TRIM28: variants seen among roughly 807,000 people sequenced by gnomAD.
TRIM28 encodes the protein tripartite motif containing 28.
Under a neutral mutation model 87.4 loss-of-function variants are expected in TRIM28, and 8 were observed. The observed-to-expected ratio is 0.09, with a 90% CI of 0.05 to 0.17. TRIM28 has a LOEUF of 0.17. TRIM28 is among the 10% of genes least tolerant of loss of function. TRIM28 has a pLI of 1.00. For missense variants in TRIM28, 968 were observed against 1,131.8 expected, an observed-to-expected ratio of 0.86 and a Z score of 2.08; for synonymous variants, 601 against 454.3, an observed-to-expected ratio of 1.32 and a Z score of -4.11.
Position 58,550,176 on chromosome 19 carries a change from C to G in TRIM28, c.2223C>G (p.Thr741=). The change falls in exon 16 of 17, where the codon ACC becomes ACG. Residue 741 remains threonine, a synonymous_variant. Coordinates refer to ENST00000253024, the MANE Select transcript of TRIM28 (RefSeq NM_005762.3). ...AGCCCGGTGGCACCCTGGATCTGAC[C>G]CTGATCCGTGCCCGCCTCCAGGAGA... ...LDQPGGTLDL[T]LIRARLQEKL... is the part of the protein sequence containing the mutation. 6.2e-7 allele frequency: 1 copy of G among 1,613,976 alleles called. No homozygotes were observed. The highest frequency in any genetic ancestry group is 8.5e-7 in the Non-Finnish European group (1 of 1,179,980).
intron 3 of TRIM28, chr19:58,547,131 C>T (rs1045959293): frequency 4.0e-6 from 2 of 505,522 alleles, no homozygotes; most frequent in Admixed American, 7.1e-5. Flanking sequence ...CTTACCCTTA[C>T]ATTGTTGTTA....
At position 58,550,171 on chromosome 19, in the gene TRIM28, C is replaced by T. The variant is rs749313296; in HGVS notation, c.2218C>T (p.Leu740=). ...GGACCAGCCCGGTGGCACCCTGGAT[C>T]TGACCCTGATCCGTGCCCGCCTCCA... ...SLDQPGGTLD[L]TLIRARLQEK... is the part of the protein sequence containing the mutation. Residue 740 remains leucine, a synonymous_variant, in exon 16 of 17, where the codon CTG becomes TTG. Coordinates refer to ENST00000253024, the MANE Select transcript of TRIM28 (RefSeq NM_005762.3). The T allele has an allele frequency of 1.2e-6, 2 of 1,614,010 alleles. No individual in the cohort carries two copies. The highest frequency in any genetic ancestry group is 2.2e-5 in the South Asian group (2 of 91,082).
At position 58,549,522 on chromosome 19, in the gene TRIM28, G is replaced by A. The variant is rs139425078; in HGVS notation, c.1854G>A (p.Pro618=). 2.7e-4 allele frequency: 441 copies of A among 1,613,974 alleles called. 1 individual carries two copies. The highest frequency in any genetic ancestry group is 4.6e-4 in the South Asian group (42 of 91,088). ...GTACCTCAGCCCCAGGTGGTGGCCC[G>A]GGAACCCTGGATGACAGTGCCACCA... ...PEGTSAPGGG[P]GTLDDSATIC... The change falls in exon 13 of 17, where the codon CCG becomes CCA. Residue 618 remains proline, a synonymous_variant. Transcript: ENST00000253024. This position sits in a 1 kb window ranked among gnomAD's most constrained non-coding sequence, Gnocchi z 4.4.
At position 58,549,481 on chromosome 19, in the gene TRIM28, G is replaced by A. The variant is rs776245218; in HGVS notation, c.1813G>A (p.Val605Met). 2.5e-6 allele frequency: 4 copies of A among 1,613,566 alleles called. No homozygotes were observed. The African/African-American group carries it at 4.0e-5, about 16-fold the overall frequency. The change falls in exon 13 of 17, where the codon GTG becomes ATG. Residue 605 changes from valine (V) to methionine (M), a missense_variant. Coordinates refer to ENST00000253024, the MANE Select transcript of TRIM28 (RefSeq NM_005762.3). The surrounding 1 kb of genome is among the most constrained non-coding windows in gnomAD (Gnocchi z 4.4). ...PSGSTSSGLEVVAPEGTSAPG... is the reference protein window; with the variant it reads ...PSGSTSSGLEMVAPEGTSAPG... ...TGGCAGCACCAGCTCAGGGCTGGAG[G>A]TGGTGGCTCCTGAGGGTACCTCAGC...
rs1362844161 is a variant in TRIM28, at chr19:58,549,365, C to T, written c.1697C>T (p.Pro566Leu). Residue 566 changes from proline to leucine, a missense_variant, in exon 13 of 17, where the codon CCT becomes CTT. Around this residue, in one of 11 missense-constraint regions of TRIM28, gnomAD observed 164 missense variants for 146.2 expected, o/e 1.12. Transcript: ENST00000253024. This position sits in a 1 kb window ranked among gnomAD's most constrained non-coding sequence, Gnocchi z 4.4. Reference sequence around the variant, plus strand: ...ACGGAGGCTGCCATTGGAGCCCCTCCTACTGCCACTGAGGGCCCTGAGACC... The same window carrying T: ...ACGGAGGCTGCCATTGGAGCCCCTCTTACTGCCACTGAGGGCCCTGAGACC... ...EETEAAIGAP[P>L]TATEGPETKP... is the part of the protein sequence containing the mutation. 1.3e-6 allele frequency: 2 copies of T among 1,570,656 alleles called. No homozygotes were observed. Among genetic ancestry groups the T allele is most frequent in the East Asian group, 2.3e-5 (1 of 44,376 alleles).
chr19:58,550,374 C>T lies in TRIM28; in HGVS notation c.2332-3C>T, dbSNP rs764617972. 9 of 1,613,480 alleles carry T rather than the reference C, an allele frequency of 5.6e-6. No individual in the cohort carries two copies. In the African/African-American group the frequency reaches 9.3e-5, roughly 17 times the overall value. On this transcript the variant is annotated splice_region_variant and splice_polypyrimidine_tract_variant and intron_variant, in intron 16 of 16. Transcript: ENST00000253024. ...TCATCCACTGCATTCCTGCTTGGCCCAGGACAAGGCAGACGTGCAGTCCAT... is the reference window on the plus strand; with the variant it reads ...TCATCCACTGCATTCCTGCTTGGCCTAGGACAAGGCAGACGTGCAGTCCAT...
chr19:58,546,461 C>T (rs1200636918), intron 3 of TRIM28, among the ~76,000 whole-genome samples: 2 of 152,156 alleles, frequency 1.3e-5, no homozygotes, highest in African/African-American at 4.8e-5. Context: ...GTTTTGGGGC[C>T]AGAATCCTCC....
At chr19:58,547,247 C>T (rs1383844020) in intron 3 of TRIM28, 129 bp from the exon 4 acceptor site, 16 of 1,235,258 alleles carry the variant, frequency 1.3e-5, no homozygotes, top group Admixed American at 2.3e-5. Context: ...CCTGGCCACA[C>T]CCTCTACATC....
At position 58,545,838 on chromosome 19, in the gene TRIM28, C is replaced by T. The variant is rs923491283; in HGVS notation, c.528C>T (p.Thr176=). 6.2e-6 allele frequency: 10 copies of T among 1,612,030 alleles called. No individual in the cohort carries two copies. Among genetic ancestry groups the T allele is most frequent in the Non-Finnish European group, 8.5e-6 (10 of 1,179,134 alleles). The change falls in exon 3 of 17, where the codon ACC becomes ACT. Residue 176 remains threonine, a synonymous_variant. Coordinates refer to ENST00000253024, the MANE Select transcript of TRIM28 (RefSeq NM_005762.3). The part of the protein sequence containing the change: ...CVECSEPLCE[T]CVEAHQRVKY... ...AGTGCTCGGAGCCTCTGTGTGAGACCTGTGTAGAGGCGCACCAGCGGGTGA... is the reference window on the plus strand; with the variant it reads ...AGTGCTCGGAGCCTCTGTGTGAGACTTGTGTAGAGGCGCACCAGCGGGTGA...
intron 1 of TRIM28, 120 bp from the exon 2 acceptor site, chr19:58,545,305 G>T: frequency 2.1e-6 from 2 of 949,130 alleles, no homozygotes; most frequent in African/African-American, 3.3e-5. Flanking sequence ...GAAGGCTCGG[G>T]GAGGGGAGGG....
chr19:58,546,926 C>T (rs904626407), intron 3 of TRIM28, among the ~76,000 whole-genome samples: 4 of 151,862 alleles, frequency 2.6e-5, no homozygotes, highest in African/African-American at 7.3e-5. Context: ...TGTAAGAGAC[C>T]CTGGTGTTCT....
At position 58,549,509 on chromosome 19, in the gene TRIM28, C is replaced by T; in HGVS notation, c.1841C>T (p.Pro614Leu). The change falls in exon 13 of 17, where the codon CCA (proline) becomes CTA (leucine). Residue 614 changes from proline to leucine, a missense_variant. Transcript: ENST00000253024. This position sits in a 1 kb window ranked among gnomAD's most constrained non-coding sequence, Gnocchi z 4.4. ...EVVAPEGTSA[P>L]GGGPGTLDDS... Reference sequence around the variant, plus strand: ...GTGGCTCCTGAGGGTACCTCAGCCCCAGGTGGTGGCCCGGGAACCCTGGAT... The same window carrying T: ...GTGGCTCCTGAGGGTACCTCAGCCCTAGGTGGTGGCCCGGGAACCCTGGAT... 1 of 1,613,958 alleles carries T rather than the reference C, an allele frequency of 6.2e-7. No homozygotes were observed. Among genetic ancestry groups the T allele is most frequent in the Non-Finnish European group, 8.5e-7 (1 of 1,179,988 alleles).
At position 58,548,774 on chromosome 19, in the gene TRIM28, C is replaced by A; in HGVS notation, c.1358C>A (p.Ser453Ter). The change falls in exon 10 of 17, where the codon TCA becomes TAA. Residue 453 changes from serine (S) to a stop codon, truncating the protein, a stop_gained and splice_region_variant. Coordinates refer to ENST00000253024, the MANE Select transcript of TRIM28 (RefSeq NM_005762.3). LOFTEE classifies it high-confidence loss of function. ...GTGCAGGAAGGCTATGGCTTTGGGT[C>A]AGGTGAGTGGGTCTGCCTAGTGGGT... ...MEVQEGYGFG[S>*]GDDPYSSAEP... is the part of the protein sequence containing the mutation. 6.2e-7 allele frequency: 1 copy of A among 1,614,078 alleles called. No individual in the cohort carries two copies. Among genetic ancestry groups the A allele is most frequent in the South Asian group, 1.1e-5 (1 of 91,066 alleles).
rs939578935 is a variant in TRIM28 at position 58,549,756 on chromosome 19, C to T, written c.2002C>T (p.Leu668Phe). Residue 668 changes from leucine (L) to phenylalanine (F), a missense_variant, in exon 14 of 17, where the codon CTC (leucine) becomes TTC (phenylalanine). By Grantham distance (22) the Leu-to-Phe change is conservative. Coordinates refer to ENST00000253024, the MANE Select transcript of TRIM28 (RefSeq NM_005762.3). This position sits in a 1 kb window ranked among gnomAD's most constrained non-coding sequence, Gnocchi z 4.4. ...DVPGEEWSCS[L>F]CHVLPDLKEE... ...CCCTAGGGAGGAGTGGAGCTGCTCA[C>T]TCTGCCATGTGCTCCCTGACCTGAA... 6.2e-7 allele frequency: 1 copy of T among 1,610,236 alleles called. No individual in the cohort carries two copies. The highest frequency in any genetic ancestry group is 8.5e-7 in the Non-Finnish European group (1 of 1,177,190).
At position 58,545,453 on chromosome 19, in the gene TRIM28, G is replaced by A. The variant is rs774188116; in HGVS notation, c.369G>A (p.Gln123=). The A allele has an allele frequency of 6.2e-7, 1 of 1,612,856 alleles. No individual in the cohort carries two copies. Among genetic ancestry groups the A allele is most frequent in the South Asian group, 1.1e-5 (1 of 91,086 alleles). Residue 123 remains glutamine, a synonymous_variant, in exon 2 of 17, where the codon CAG becomes CAA. Transcript: ENST00000253024. ...TGGACTGTCCCGTGTGCAAGCAACA[G>A]TGCTTCTCCAAAGACATCGTGGAGA... ...TVVDCPVCKQ[Q]CFSKDIVENY... is the part of the protein sequence containing the mutation.
Position 58,548,018 on chromosome 19 carries a change from C to T in TRIM28, c.955-16C>T, listed in dbSNP as rs563188062. The T allele has an allele frequency of 3.1e-6, 5 of 1,613,976 alleles. No homozygotes were observed. The highest frequency in any genetic ancestry group is 3.3e-5 in the Admixed American group (2 of 59,990). ...TTCTGCCTTCTCTGCTTACCTCATA[C>T]ACCTTCTATCTGCAGAAGGTGACTG... On this transcript the variant is annotated splice_polypyrimidine_tract_variant and intron_variant, in intron 6 of 16. Coordinates refer to ENST00000253024, the MANE Select transcript of TRIM28 (RefSeq NM_005762.3).
rs368073186 is a variant in TRIM28, at chr19:58,546,679, G to T, written c.587-697G>T. Among the ~76,000 whole-genome samples, 11 of 152,320 alleles carry T rather than the reference G, an allele frequency of 7.2e-5. No individual in the cohort carries two copies. The East Asian group carries it at 1.3e-3, about 19-fold the overall frequency. Reference sequence around the variant, plus strand: ...TTGGGGAAGTCAGTTTCCCCAATGAGCCCTGATGCTACATATTTTGGATTT... The same window carrying T: ...TTGGGGAAGTCAGTTTCCCCAATGATCCCTGATGCTACATATTTTGGATTT... On this transcript the variant is annotated intron_variant, in intron 3 of 16. Coordinates refer to ENST00000253024, the MANE Select transcript of TRIM28 (RefSeq NM_005762.3).
intron 3 of TRIM28, 116 bp from the exon 4 acceptor site, chr19:58,547,260 C>G (rs915998640): frequency 7.2e-7 from 1 of 1,385,834 alleles, no homozygotes; most frequent in African/African-American, 1.4e-5. Context: ...TCTACATCTT[C>G]CCAATAAATG....
chr19:58,548,463 A>G (rs1228167837), intron 8 of TRIM28, 23 bp from the exon 9 acceptor site: 29 of 1,613,842 alleles, frequency 1.8e-5, no homozygotes, highest in Non-Finnish European at 2.1e-5. Context: ...GCACCTACTT[A>G]CGTTTCTCTC....
Sources: allele counts gnomAD v4.1 joint callset (sites outside exome capture counted in the v4.1 genomes callset), GRCh38; gene constraint gnomAD v4.1.1; regional missense constraint gnomAD v4.1.1; non-coding constraint Gnocchi (gnomAD v3.1); transcripts MANE v1.5; gene names NCBI Gene and HGNC (gene_info 2026-07-23, HGNC 2026-07-21).